Variants in PPEF2 observed in about 807,000 individuals in gnomAD.
PPEF2 encodes protein phosphatase with EF-hand domain 2.
PPEF2 carries 84 observed loss-of-function variants against 84.7 expected under a neutral mutation model. That is an observed-to-expected ratio of 0.99 (90% CI 0.83 to 1.19). The LOEUF (loss-of-function observed/expected upper bound fraction) is 1.19. PPEF2 is among the 50% of genes most tolerant of loss of function. The pLI is 0.00. For missense variants in PPEF2, 924 were observed against 937.5 expected (o/e 0.99, Z 0.19); for synonymous variants, 346 against 345.2 (o/e 1.00, Z -0.03).
At chr4:75,868,827 G>T (rs1724197299) in intron 13 of PPEF2, among the ~76,000 whole-genome samples, 1 of 152,094 alleles carries the variant, frequency 6.6e-6, no homozygotes, top group Admixed American at 6.6e-5. Context: ...ACACAGCTAG[G>T]CTGGGTTTCT....
intron 13 of PPEF2, among the ~76,000 whole-genome samples, chr4:75,871,627 C>T (rs1724282730): frequency 1.3e-5 from 2 of 152,086 alleles, no homozygotes; most frequent in African/African-American, 2.4e-5. Context: ...TACGCCACCA[C>T]ATCAGGCTAA....
chr4:75,879,858 G>T (rs569484724), intron 10 of PPEF2, among the ~76,000 whole-genome samples: 74 of 151,748 alleles, frequency 4.9e-4, no homozygotes, highest in Non-Finnish European at 5.3e-4. Flanking sequence ...TGAGATAGGG[G>T]TCTCACTCTC....
rs773475452 is a variant in PPEF2, at chr4:75,896,361, T to C, written c.-36A>G. The C allele has an allele frequency of 1.2e-6, 2 of 1,607,224 alleles. No individual in the cohort carries two copies. The highest frequency in any genetic ancestry group is 1.7e-6 in the Non-Finnish European group (2 of 1,173,672). ...CAATGCTCCTGCAGGACGCAGCAGA[T>C]CCAGAGGACAGTGAGCTGTTTGCTG... On this transcript the variant is annotated 5_prime_UTR_variant, in exon 2 of 17. Transcript: ENST00000286719.
chr4:75,897,690 G>A (rs1725039121), intron 1 of PPEF2, among the ~76,000 whole-genome samples: 3 of 152,130 alleles, frequency 2.0e-5, no homozygotes, highest in Admixed American at 2.0e-4. Flanking sequence ...CAGGAGAATG[G>A]CTTGAACCTG....
chr4:75,893,317 G>A (rs1334122544), intron 2 of PPEF2, among the ~76,000 whole-genome samples: 1 of 152,142 alleles, frequency 6.6e-6, no homozygotes, highest in Non-Finnish European at 1.5e-5. Context: ...GGCCAATATG[G>A]TGAAACCTCA....
At chr4:75,876,086 G>A (rs1160115257) in intron 11 of PPEF2, among the ~76,000 whole-genome samples, 3 of 152,048 alleles carry the variant, frequency 2.0e-5, no homozygotes, top group African/African-American at 4.8e-5. Context: ...TCAGGCAATA[G>A]AGCCTAACAG....
intron 4 of PPEF2, among the ~76,000 whole-genome samples, chr4:75,890,880 C>A (rs750183289): frequency 3.0e-4 from 46 of 152,310 alleles, no homozygotes; most frequent in Middle Eastern, 3.4e-3. Flanking sequence ...GCCAGAAATG[C>A]TATGGAATTA....
intron 5 of PPEF2, among the ~76,000 whole-genome samples, chr4:75,888,673 T>A (rs1277279540): frequency 1.3e-5 from 2 of 152,202 alleles, no homozygotes; most frequent in Non-Finnish European, 1.5e-5. Flanking sequence ...AGTGATCCTG[T>A]CATTACTGGA....
chr4:75,861,820 A>G lies in PPEF2; in HGVS notation c.2009-900T>C, dbSNP rs113083326. On this transcript the variant is annotated intron_variant, in intron 16 of 16. Coordinates refer to ENST00000286719, the MANE Select transcript of PPEF2 (RefSeq NM_006239.3). ...GAGACGGGGTTTCACCATGTTAGCC[A>G]GGATGGTCTCGATCTCCTGACCTCG... 2.3e-3 allele frequency among the ~76,000 whole-genome samples: 303 copies of G among 131,336 alleles called. No individual in the cohort carries two copies. In the Middle Eastern group the frequency reaches 0.063, roughly 27 times the overall value. The allele number at this position is 131,336 out of a possible 152,430, so 86.2% of individuals were successfully genotyped here. A position where few individuals can be genotyped will look rare whatever the true frequency, so the allele number is the denominator to read the frequency against.
At chr4:75,861,754 C>G (rs887605722) in intron 16 of PPEF2, among the ~76,000 whole-genome samples, 1 of 139,800 alleles carries the variant, frequency 7.2e-6, no homozygotes, top group East Asian at 2.7e-4. Context: ...GGACTACAGG[C>G]ACCCGCCACC....
intron 1 of PPEF2, among the ~76,000 whole-genome samples, chr4:75,898,349 C>T (rs1484308161): frequency 3.3e-5 from 5 of 152,238 alleles, no homozygotes; most frequent in Non-Finnish European, 1.5e-5. Context: ...CTCTTCTCTC[C>T]TTTCTTCAAA....
At chr4:75,890,484 G>A (rs1400124327) in intron 4 of PPEF2, among the ~76,000 whole-genome samples, 10 of 45,220 alleles carry the variant, frequency 2.2e-4, no homozygotes, top group Admixed American at 2.9e-4. Flanking sequence ...GTGAGACCCT[G>A]TCTCAAAAAA....
chr4:75,884,531 G>A (rs960728867), intron 8 of PPEF2, 63 bp downstream of exon 8: 14 of 1,463,810 alleles, frequency 9.6e-6, no homozygotes, highest in Non-Finnish European at 1.3e-5. Context: ...AAGTTCTGGA[G>A]AAATAACATT....
chr4:75,872,115 C>T lies in PPEF2; in HGVS notation c.1559G>A (p.Gly520Glu), dbSNP rs780540735. The change falls in exon 13 of 17, where the codon GGG becomes GAG. Residue 520 changes from glycine (G) to glutamate (E), a missense_variant. Transcript: ENST00000286719. ...SNYYEVGSNR[G>E]AYVKLGPALT... is the part of the protein sequence containing the mutation. ...GGCTGGCCCCAGTTTGACATAGGCC[C>T]CTCTGTTGCTGCCAACTTCATAGTA... The T allele has an allele frequency of 3.1e-6, 5 of 1,613,706 alleles. No individual in the cohort carries two copies. Among genetic ancestry groups the T allele is most frequent in the Admixed American group, 1.7e-5 (1 of 59,968 alleles).
At position 75,884,642 on chromosome 4, in the gene PPEF2, T is replaced by C. The variant is rs2149223172; in HGVS notation, c.698A>G (p.Glu233Gly). ...ATGGTTTCCTCTGTTAAGATGGAAC[T>C]CTTTGGGGTAAACCAGCATGAAGGC... is the stretch of plus-strand genomic sequence containing the variant. ...LFAFMLVYPK[E>G]FHLNRGNHED... The change falls in exon 8 of 17, where the codon GAG (glutamate) becomes GGG (glycine). Residue 233 changes from glutamate to glycine, a missense_variant. Transcript: ENST00000286719. 6.2e-7 allele frequency: 1 copy of C among 1,613,446 alleles called. No homozygotes were observed. Among genetic ancestry groups the C allele is most frequent in the Admixed American group, 1.7e-5 (1 of 59,828 alleles).
intron 10 of PPEF2, among the ~76,000 whole-genome samples, chr4:75,877,877 A>G (rs1027346382): frequency 6.6e-6 from 1 of 152,232 alleles, no homozygotes; most frequent in Non-Finnish European, 1.5e-5. Context: ...TTCGAGAAAC[A>G]CTAACCTAGT....
chr4:75,872,992 T>G (rs1256253954), intron 12 of PPEF2, 135 bp downstream of exon 12: 1 of 811,780 alleles, frequency 1.2e-6, no homozygotes, highest in Admixed American at 3.1e-5. Flanking sequence ...AGGACCTAGT[T>G]GCTTTGAGCA....
At chr4:75,900,725 T>TA (rs905742067) in intron 1 of PPEF2, among the ~76,000 whole-genome samples, 14 of 152,220 alleles carry the variant, frequency 9.2e-5, no homozygotes, top group African/African-American at 3.4e-4. Flanking sequence ...AAAAATCTCT[T>TA]AAAGTTCTTC....
At chr4:75,866,752 TA>T (rs1366500281) in intron 14 of PPEF2, among the ~76,000 whole-genome samples, 2 of 152,056 alleles carry the variant, frequency 1.3e-5, no homozygotes, top group African/African-American at 4.8e-5. Flanking sequence ...ATTGGTTATT[TA>T]AAAAAAATTA....
Sources: allele counts gnomAD v4.1 joint callset (sites outside exome capture counted in the v4.1 genomes callset), GRCh38; gene constraint gnomAD v4.1.1; transcripts MANE v1.5; gene names NCBI Gene and HGNC (gene_info 2026-07-23, HGNC 2026-07-21).